Variants in PTPRJ observed in about 807,000 individuals in gnomAD.
PTPRJ encodes protein tyrosine phosphatase receptor type J.
A neutral mutation model predicts 141.3 loss-of-function variants in PTPRJ; 129 were observed. That is an observed-to-expected ratio of 0.91 (90% CI 0.79 to 1.06). The LOEUF (loss-of-function observed/expected upper bound fraction) is 1.06. PTPRJ is among the 50% of genes least tolerant of loss of function. The probability of loss-of-function intolerance (pLI) is 0.00; values close to 1 mark genes in which losing one functional copy is unlikely to be tolerated. For synonymous variants in PTPRJ, 610 were observed against 640.5 expected (o/e 0.95, Z 0.72); for missense variants, 1,601 against 1,679.7 (o/e 0.95, Z 0.82).
chr11:48,136,269 G>A lies in PTPRJ; in HGVS notation c.1846G>A (p.Asp616Asn). The change falls in exon 9 of 25, where the codon GAC becomes AAC. Residue 616 changes from aspartate (D) to asparagine (N), a missense_variant. By Grantham distance (23) the Asp-to-Asn change is conservative. Transcript: ENST00000418331. Reference protein sequence around the residue: ...ISPEVDHVWGDPNSTAQYTRP... With the variant: ...ISPEVDHVWGNPNSTAQYTRP... ...TCCAGAAGTGGACCACGTCTGGGGG[G>A]ACCCCAACTCCACTGCACAGTACAC... The A allele has an allele frequency of 1.2e-6, 2 of 1,614,120 alleles. No individual in the cohort carries two copies. Among genetic ancestry groups the A allele is most frequent in the Non-Finnish European group, 1.7e-6 (2 of 1,180,012 alleles).
intron 1 of PTPRJ, among the ~76,000 whole-genome samples, chr11:48,079,465 A>C (rs1855502507): frequency 6.6e-6 from 1 of 151,980 alleles, no homozygotes; most frequent in African/African-American, 2.4e-5. Flanking sequence ...CTAGTCTTAG[A>C]GTAAATGCAG....
chr11:48,123,062 C>T (rs1410593153), intron 4 of PTPRJ, among the ~76,000 whole-genome samples: 16 of 152,168 alleles, frequency 1.1e-4, no homozygotes, highest in East Asian at 1.9e-4. Flanking sequence ...AACCAAATAA[C>T]GCGATGGGAG....
chr11:48,150,005 A>G lies in PTPRJ; in HGVS notation c.3050+7A>G. 2 of 1,489,246 alleles carry G rather than the reference A, an allele frequency of 1.3e-6. No homozygotes were observed. The highest frequency in any genetic ancestry group is 1.9e-6 in the Non-Finnish European group (2 of 1,073,926). The allele number at this position is 1,489,246 out of a possible 1,614,324, so 92.3% of individuals were successfully genotyped here. Reference sequence around the variant, plus strand: ...TATCATGAAGACCTAAAAAGTGAGTAATCTCTTTATTTTTTTTAATAACTT... The same window carrying G: ...TATCATGAAGACCTAAAAAGTGAGTGATCTCTTTATTTTTTTTAATAACTT... On this transcript the variant is annotated splice_region_variant and intron_variant, in intron 17 of 24. Coordinates refer to ENST00000418331, the MANE Select transcript of PTPRJ (RefSeq NM_002843.4).
chr11:48,049,577 G>T lies in PTPRJ; in HGVS notation c.97-60481G>T, dbSNP rs1854505067. Among the ~76,000 whole-genome samples the T allele has an allele frequency of 8.3e-5, 12 of 143,844 alleles. No homozygotes were observed. In the South Asian group the frequency reaches 2.5e-3, roughly 30 times the overall value. 94.4% of individuals were successfully genotyped at this position (143,844 alleles called of 152,430 possible). On this transcript the variant is annotated intron_variant, in intron 1 of 24. Transcript: ENST00000418331. ...AAACAAAACAAAACAAGTCGGGTGT[G>T]GTGGCGCACTTTTGTAATTCCATGT...
At chr11:48,012,011 T>A (rs1384200167) in intron 1 of PTPRJ, among the ~76,000 whole-genome samples, 2 of 152,038 alleles carry the variant, frequency 1.3e-5, no homozygotes, top group Non-Finnish European at 2.9e-5. Context: ...GAAGGAAGAT[T>A]TAGATCTGCT....
At chr11:48,037,090 T>C (rs902184782) in intron 1 of PTPRJ, among the ~76,000 whole-genome samples, 5 of 152,232 alleles carry the variant, frequency 3.3e-5, no homozygotes, top group African/African-American at 7.2e-5. Context: ...GCGTAAAATA[T>C]AGTTTGGATG....
chr11:48,163,597 C>A lies in PTPRJ; in HGVS notation c.3698C>A (p.Ser1233Ter). The A allele has an allele frequency of 6.2e-7, 1 of 1,613,900 alleles. No homozygotes were observed. The highest frequency in any genetic ancestry group is 8.5e-7 in the Non-Finnish European group (1 of 1,179,760). The stretch of plus-strand genomic sequence containing the variant: ...TACATGAAGCAGAGTCCTCCCGAAT[C>A]GCCGATTCTGGTGCATTGCAGGTAC... ...RDYMKQSPPESPILVHCSAGV... is the reference protein window; with the variant it reads ...RDYMKQSPPE Residue 1233 changes from serine to a stop codon, truncating the protein, a stop_gained, in exon 23 of 25, where the codon TCG becomes TAG. Transcript: ENST00000418331. LOFTEE classifies it high-confidence loss of function.
chr11:47,998,458 G>A (rs1051918370), intron 1 of PTPRJ, among the ~76,000 whole-genome samples: 1 of 152,074 alleles, frequency 6.6e-6, no homozygotes, highest in Non-Finnish European at 1.5e-5. Context: ...AAATTATCAC[G>A]CCCATTTTAG....
chr11:48,054,923 G>A (rs1030187139), intron 1 of PTPRJ, among the ~76,000 whole-genome samples: 1 of 151,706 alleles, frequency 6.6e-6, no homozygotes, highest in Non-Finnish European at 1.5e-5. Flanking sequence ...GGTGGCTCAC[G>A]CCTGTAATCC....
chr11:48,023,843 CTT>C (rs1250015849), intron 1 of PTPRJ, among the ~76,000 whole-genome samples: 5 of 151,706 alleles, frequency 3.3e-5, no homozygotes, highest in South Asian at 2.1e-4. Context: ...TTTAATATCT[CTT>C]ATCATTTCTT....
At chr11:48,027,823 TC>T (rs1182579701) in intron 1 of PTPRJ, among the ~76,000 whole-genome samples, 1 of 102,128 alleles carries the variant, frequency 9.8e-6, no homozygotes, top group Non-Finnish European at 2.0e-5. Flanking sequence ...AAAAAAAAAA[TC>T]TTCAGTGCAG....
intron 1 of PTPRJ, among the ~76,000 whole-genome samples, chr11:48,006,198 T>C (rs2134195209): frequency 6.6e-6 from 1 of 152,314 alleles, no homozygotes; most frequent in South Asian, 2.1e-4. Flanking sequence ...GGGCTGATCT[T>C]GTCTCTTTTG....
At position 48,153,858 on chromosome 11, in the gene PTPRJ, A is replaced by G; in HGVS notation, c.3201A>G (p.Gly1067=). 6.2e-7 allele frequency: 1 copy of G among 1,613,430 alleles called. No individual in the cohort carries two copies. The highest frequency in any genetic ancestry group is 8.5e-7 in the Non-Finnish European group (1 of 1,179,370). The change falls in exon 19 of 25, where the codon GGA becomes GGG. Residue 1067 remains glycine (G), a synonymous_variant. Transcript: ENST00000418331. ...KYAAELAENR[G]KNRYNNVLPY... is the part of the protein sequence containing the mutation. ...CAGCAGAACTGGCTGAGAATAGAGG[A>G]AAGAATCGCTATAATAATGTTCTGC...
chr11:48,030,084 T>C (rs1388480387), intron 1 of PTPRJ, among the ~76,000 whole-genome samples: 1 of 152,242 alleles, frequency 6.6e-6, no homozygotes, highest in Non-Finnish European at 1.5e-5. Flanking sequence ...CATTCAAATG[T>C]AAAACAGATT....
chr11:48,093,890 A>C (rs1447397478), intron 1 of PTPRJ, among the ~76,000 whole-genome samples: 1 of 152,136 alleles, frequency 6.6e-6, no homozygotes, highest in African/African-American at 2.4e-5. Context: ...GTGTTCTTTG[A>C]TTAAGTGTCA....
At chr11:48,139,339 GGT>G in intron 10 of PTPRJ, 145 bp from the exon 11 acceptor site, 1 of 749,916 alleles carries the variant, frequency 1.3e-6, no homozygotes, top group Non-Finnish European at 2.2e-6. Context: ...CACACAGTTT[GGT>G]GTTGCCCAAT....
chr11:48,006,855 G>A (rs1374928316), intron 1 of PTPRJ, among the ~76,000 whole-genome samples: 7 of 152,208 alleles, frequency 4.6e-5, no homozygotes, highest in East Asian at 3.9e-4. Context: ...CATTGGTATC[G>A]TGATGACTTG....
At chr11:48,085,437 C>T (rs1256817937) in intron 1 of PTPRJ, among the ~76,000 whole-genome samples, 4 of 152,068 alleles carry the variant, frequency 2.6e-5, no homozygotes, top group Admixed American at 1.3e-4. Context: ...CTCCGCCTCC[C>T]GGGTTCAAAG....
At chr11:48,021,453 A>G (rs1467695396) in intron 1 of PTPRJ, among the ~76,000 whole-genome samples, 1 of 151,732 alleles carries the variant, frequency 6.6e-6, no homozygotes, top group Non-Finnish European at 1.5e-5. Context: ...AAAAGAGGTT[A>G]AGGTTTATAC....
Sources: gnomAD v4.1 joint callset for allele counts (sites outside exome capture counted in the v4.1 genomes callset) on GRCh38, gnomAD v4.1.1 for gene constraint, MANE v1.5 for transcripts, NCBI Gene and HGNC (gene_info 2026-07-23, HGNC 2026-07-21) for gene names.